Variants in WNT2B observed in about 807,000 individuals in gnomAD.
WNT2B encodes protein Wnt-2b.
WNT2B carries 19 observed loss-of-function variants against 40.5 expected under a neutral mutation model. The ratio of observed to expected loss-of-function variants is 0.47; its 90% CI spans 0.33 to 0.69. WNT2B has a LOEUF of 0.69. WNT2B is among the 30% of genes least tolerant of loss of function. The pLI is 0.02. For missense variants in WNT2B, 467 were observed against 556.4 expected (o/e 0.84, Z 1.62); for synonymous variants, 220 against 211.9 (o/e 1.04, Z -0.33).
chr1:112,471,537 C>A (rs1650880382), intron 1 of WNT2B, among the ~76,000 whole-genome samples: 1 of 152,144 alleles, frequency 6.6e-6, no homozygotes, highest in African/African-American at 2.4e-5. Flanking sequence ...CTCTAGTCAG[C>A]CATTTTGAAC....
intron 1 of WNT2B, among the ~76,000 whole-genome samples, chr1:112,469,759 ACATGCCAC>A (rs1650816607): frequency 6.6e-6 from 1 of 151,934 alleles, no homozygotes; most frequent in Non-Finnish European, 1.5e-5. Flanking sequence ...GATTACAGGC[ACATGCCAC>A]CATGCCTGGC....
At chr1:112,470,565 G>A (rs1650849127) in intron 1 of WNT2B, among the ~76,000 whole-genome samples, 2 of 152,176 alleles carry the variant, frequency 1.3e-5, no homozygotes, top group Admixed American at 6.5e-5. Flanking sequence ...TCCAGCCTGG[G>A]TGGCAGAGTG....
rs116805790 is a variant in WNT2B at position 112,483,889 on chromosome 1, G to A, written c.-95+16298G>A. ...TTTCCCAAAAGAAGGCATACAGATG[G>A]CCAATAAGTATATGAAATCATCGGA... On this transcript the variant is annotated intron_variant, in intron 1 of 4. Coordinates refer to the WNT2B transcript ENST00000256640. 2.3e-3 allele frequency among the ~76,000 whole-genome samples: 353 copies of A among 150,688 alleles called. 1 individual carries two copies. Among genetic ancestry groups the A allele is most frequent in the African/African-American group, 8.0e-3 (332 of 41,284 alleles).
At chr1:112,508,836 C>T (rs1379003426), upstream of WNT2B, 3 of 995,900 alleles carry the variant, frequency 3.0e-6, no homozygotes, top group Non-Finnish European at 3.6e-6. This position sits in a 1 kb window ranked among gnomAD's most constrained non-coding sequence, Gnocchi z 4.2. Flanking sequence ...GAGGCGGCTG[C>T]TACACCTAGG....
In WNT2B at chr1:112,520,293, T is replaced by C. The variant is rs146027356; in HGVS notation, c.960T>C (p.Thr320=). The C allele has an allele frequency of 1.2e-6, 2 of 1,614,036 alleles. No homozygotes were observed. The highest frequency in any genetic ancestry group is 2.2e-5 in the East Asian group (1 of 44,880). The change falls in exon 5 of 5, where the codon ACT becomes ACC. Residue 320 remains threonine (T), a synonymous_variant. Coordinates refer to ENST00000369684, the MANE Select transcript of WNT2B (RefSeq NM_024494.3). ...TCCCCAACCCAGGTTCCCTAGGCACTGCAGGCCGTGTCTGCAGCAAGACAT... is the reference window on the plus strand; with the variant it reads ...TCCCCAACCCAGGTTCCCTAGGCACCGCAGGCCGTGTCTGCAGCAAGACAT... ...VLDKAAGSLG[T]AGRVCSKTSK...
At chr1:112,504,697 AAAG>A (rs1488542683), upstream of WNT2B, among the ~76,000 whole-genome samples, 1 of 152,124 alleles carries the variant, frequency 6.6e-6, no homozygotes, top group Non-Finnish European at 1.5e-5. Context: ...CTCGGTTTGC[AAAG>A]AAATCTCAGG....
chr1:112,506,960 T>TA (rs771092195), upstream of WNT2B, among the ~76,000 whole-genome samples: 1 of 152,130 alleles, frequency 6.6e-6, no homozygotes, highest in Non-Finnish European at 1.5e-5. Context: ...TTGGAGCACC[T>TA]CAGGGACTCA....
chr1:112,494,677 G>A (rs1234067961), intron 1 of WNT2B, among the ~76,000 whole-genome samples: 2 of 151,514 alleles, frequency 1.3e-5, no homozygotes, highest in African/African-American at 4.9e-5. Context: ...TAAAAATGAA[G>A]GTGAAGTAAA....
intron 4 of WNT2B, chr1:112,518,099 G>A (rs1426121401): frequency 6.6e-6 from 1 of 152,238 alleles, no homozygotes; most frequent in Non-Finnish European, 1.5e-5. Context: ...ACGAAGAAGA[G>A]ATCCCTACCA....
rs1222246583 is a variant in WNT2B, at chr1:112,528,051, A to C, written c.*7542A>C. ...CAGAAGCAACAATTACAATAAAATG[A>C]AACAGTTTAATGGACTAGGAAGCAG... On this transcript the variant is annotated 3_prime_UTR_variant, in exon 5 of 5. Transcript: ENST00000369684. 1.3e-5 allele frequency: 2 copies of C among 152,204 alleles called. No homozygotes were observed. The highest frequency in any genetic ancestry group is 4.8e-5 in the African/African-American group (2 of 41,436). The allele number at this position is 152,204 out of a possible 1,614,324, so 9.4% of individuals were successfully genotyped here. A position where few individuals can be genotyped will look rare whatever the true frequency, so the allele number is the denominator to read the frequency against.
rs769594846 is a variant in WNT2B at position 112,527,590 on chromosome 1, G to C, written c.*7081G>C. The C allele has an allele frequency of 2.0e-5, 3 of 152,660 alleles. No homozygotes were observed. Among genetic ancestry groups the C allele is most frequent in the Non-Finnish European group, 4.4e-5 (3 of 68,036 alleles). The allele number at this position is 152,660 out of a possible 1,614,324, so 9.5% of individuals were successfully genotyped here. A position where few individuals can be genotyped will look rare whatever the true frequency, so the allele number is the denominator to read the frequency against. ...AAAAGAGGCAGAGCAGGAGAGTGTT[G>C]AATGAGCTGCTGATGACAGCAGCTT... On this transcript the variant is annotated 3_prime_UTR_variant, in exon 5 of 5. Coordinates refer to ENST00000369684, the MANE Select transcript of WNT2B (RefSeq NM_024494.3).
At chr1:112,508,555 G>C (rs1652202088), upstream of WNT2B, among the ~76,000 whole-genome samples, 2 of 152,166 alleles carry the variant, frequency 1.3e-5, no homozygotes, top group African/African-American at 4.8e-5. This position sits in a 1 kb window ranked among gnomAD's most constrained non-coding sequence, Gnocchi z 4.2. Flanking sequence ...GAAGCGCAAG[G>C]ATGGAGGAAA....
intron 1 of WNT2B, among the ~76,000 whole-genome samples, chr1:112,495,811 A>G (rs1239603618): frequency 6.6e-6 from 1 of 152,176 alleles, no homozygotes; most frequent in Non-Finnish European, 1.5e-5. Flanking sequence ...ACAGAAATTT[A>G]TGTCTCACAG....
chr1:112,516,759 C>T (rs911583839), intron 3 of WNT2B, among the ~76,000 whole-genome samples: 4 of 152,164 alleles, frequency 2.6e-5, no homozygotes, highest in Admixed American at 2.0e-4. Context: ...GTGCCTAGTA[C>T]TATGCTGGAA....
At chr1:112,516,536 A>G in intron 3 of WNT2B, 119 bp downstream of exon 3, 2 of 1,346,338 alleles carry the variant, frequency 1.5e-6, no homozygotes, top group South Asian at 1.5e-5. Context: ...CACTTCCAAA[A>G]GCCCCAACAT....
At position 112,468,347 on chromosome 1, in the gene WNT2B, T is replaced by C. The variant is rs6698259; in HGVS notation, c.-95+756T>C. 7.0e-3 allele frequency among the ~76,000 whole-genome samples: 1,068 copies of C among 152,300 alleles called. 8 individuals are homozygous for C. Among genetic ancestry groups the C allele is most frequent in the African/African-American group, 0.024 (1,003 of 41,556 alleles). On this transcript the variant is annotated intron_variant, in intron 1 of 4. Transcript: ENST00000256640. Reference sequence around the variant, plus strand: ...AATAGGATTCCTGGATTATGGTAGTTCTATTTTTAGGTTTTAATAAATCTC... The same window carrying C: ...AATAGGATTCCTGGATTATGGTAGTCCTATTTTTAGGTTTTAATAAATCTC...
At chr1:112,493,141 TG>T (rs1270093482) in intron 1 of WNT2B, among the ~76,000 whole-genome samples, 1 of 152,128 alleles carries the variant, frequency 6.6e-6, no homozygotes. Flanking sequence ...CTCTCTCTAA[TG>T]GGTAAAGTAG....
intron 1 of WNT2B, among the ~76,000 whole-genome samples, chr1:112,490,406 G>C (rs1429689251): frequency 1.3e-5 from 2 of 152,136 alleles, no homozygotes; most frequent in Non-Finnish European, 2.9e-5. Flanking sequence ...TGTACCAAAG[G>C]TGTTCTTCCA....
upstream of WNT2B, chr1:112,508,824 C>T: frequency 1.0e-6 from 1 of 992,550 alleles, no homozygotes. This position sits in a 1 kb window ranked among gnomAD's most constrained non-coding sequence, Gnocchi z 4.2. Flanking sequence ...CCCCGAGGGG[C>T]GGAGGCGGCT....
Sources: gnomAD v4.1 joint callset for allele counts (sites outside exome capture counted in the v4.1 genomes callset) on GRCh38, gnomAD v4.1.1 for gene constraint, Gnocchi (gnomAD v3.1) non-coding constraint, MANE v1.5 for transcripts, NCBI Gene and HGNC (gene_info 2026-07-23, HGNC 2026-07-21) for gene names.